The following HABP2 variants were observed in gnomAD, a reference collection of about 807,000 sequenced individuals.
The protein encoded by HABP2 is factor VII-activating protease.
Under a neutral mutation model 66.5 loss-of-function variants are expected in HABP2, and 65 were observed. The ratio of observed to expected loss-of-function variants is 0.98; its 90% confidence interval spans 0.80 to 1.20. The LOEUF is 1.20. Ranked by LOEUF, HABP2 falls within the 50% of genes most tolerant of loss-of-function variation. HABP2 has a pLI of 0.00. For missense variants in HABP2, 786 were observed against 691.0 expected, an observed-to-expected ratio of 1.14 and a Z score of -1.54; for synonymous variants, 263 against 253.9, an observed-to-expected ratio of 1.04 and a Z score of -0.34.
At chr10:113,571,655 C>T (rs1845314376) in intron 2 of HABP2, among the ~76,000 whole-genome samples, 4 of 152,132 alleles carry the variant, frequency 2.6e-5, no homozygotes, top group Admixed American at 2.6e-4. Flanking sequence ...TTGGCTCATA[C>T]TGAAGCAGAG....
Position 113,589,004 on chromosome 10 carries a change from C to T in HABP2, c.*635C>T, listed in dbSNP as rs779673504. The T allele has an allele frequency of 2.4e-5, 39 of 1,613,928 alleles. No homozygotes were observed. The highest frequency in any genetic ancestry group is 2.8e-5 in the Non-Finnish European group (33 of 1,179,900). On this transcript the variant is annotated 3_prime_UTR_variant, in exon 13 of 13. Transcript: ENST00000351270. The stretch of plus-strand genomic sequence containing the variant: ...AACAGCAGGGCCTTCTTCTTTTTGA[C>T]GTGCAGAATCTCAGTGGCATCTGGG...
chr10:113,562,221 C>A (rs1565097326), intron 1 of HABP2, among the ~76,000 whole-genome samples: 1 of 152,174 alleles, frequency 6.6e-6, no homozygotes, highest in Non-Finnish European at 1.5e-5. Context: ...TCAGCTGGGA[C>A]CATGTGCTAT....
At position 113,577,719 on chromosome 10, in the gene HABP2, C is replaced by T. The variant is rs373624688; in HGVS notation, c.449-307C>T. Among the ~76,000 whole-genome samples the T allele has an allele frequency of 2.6e-5, 4 of 152,326 alleles. No homozygotes were observed. In the East Asian group the frequency reaches 7.7e-4, roughly 29 times the overall value. ...ATGGGTATCAGCAGGCAGAGCTCTACCTAGCTCAGACAGGGCCCACCACTC... is the reference window on the plus strand; with the variant it reads ...ATGGGTATCAGCAGGCAGAGCTCTATCTAGCTCAGACAGGGCCCACCACTC... On this transcript the variant is annotated intron_variant, in intron 5 of 12. Coordinates refer to ENST00000351270, the MANE Select transcript of HABP2 (RefSeq NM_004132.5).
chr10:113,589,543 G>T lies in HABP2; in HGVS notation c.*1174G>T. The stretch of plus-strand genomic sequence containing the variant: ...TGAAATTAGGCGCCTTGTTTGAGCT[G>T]CGTTTCACACTTCTTTAGAGCTAGC... On this transcript the variant is annotated 3_prime_UTR_variant, in exon 13 of 13. Coordinates refer to ENST00000351270, the MANE Select transcript of HABP2 (RefSeq NM_004132.5). 8.3e-7 allele frequency: 1 copy of T among 1,204,096 alleles called. No individual in the cohort carries two copies. Among genetic ancestry groups the T allele is most frequent in the Non-Finnish European group, 1.2e-6 (1 of 861,916 alleles). 74.6% of individuals were successfully genotyped at this position (1,204,096 alleles called of 1,614,324 possible). A position where few individuals can be genotyped will look rare whatever the true frequency, so the allele number is the denominator to read the frequency against.
chr10:113,577,333 A>C (rs1011570604), intron 5 of HABP2, 67 bp downstream of exon 5: 1 of 841,536 alleles, frequency 1.2e-6, no homozygotes, highest in Admixed American at 1.8e-5. Context: ...ACCCTTCTGC[A>C]TGGAAGGCCA....
At chr10:113,552,449 T>C (rs1027969664), upstream of HABP2, among the ~76,000 whole-genome samples, 3 of 152,120 alleles carry the variant, frequency 2.0e-5, no homozygotes, top group Non-Finnish European at 2.9e-5. Context: ...ATGTTTTTTT[T>C]CCTCCGCTTG....
chr10:113,575,923 C>G lies in HABP2; in HGVS notation c.250C>G (p.His84Asp). Residue 84 changes from histidine to aspartate, a missense_variant, in exon 4 of 13, where the codon CAC (histidine) becomes GAC (aspartate). Physicochemically the swap from His to Asp is moderately conservative, Grantham distance 81. Transcript: ENST00000351270. ...TCCATGCCAGCCCAACCCCTGTGAA[C>G]ACGGTGGGGACTGCCTCGTCCATGG... is the stretch of plus-strand genomic sequence containing the variant. Reference protein sequence around the residue: ...ADPCQPNPCEHGGDCLVHGST... With the variant: ...ADPCQPNPCEDGGDCLVHGST... 1.9e-6 allele frequency: 3 copies of G among 1,610,076 alleles called. No individual in the cohort carries two copies. The highest frequency in any genetic ancestry group is 2.6e-6 in the Non-Finnish European group (3 of 1,176,322).
At position 113,578,015 on chromosome 10, in the gene HABP2, T is replaced by C. The variant is rs370893980; in HGVS notation, c.449-11T>C. ...TGAAGAGCCTTCCTGGCCCCATTCC[T>C]GTGTTCACAGTGGTTCCTGTATGCA... On this transcript the variant is annotated splice_polypyrimidine_tract_variant and intron_variant, in intron 5 of 12. Coordinates refer to ENST00000351270, the MANE Select transcript of HABP2 (RefSeq NM_004132.5). 1.2e-5 allele frequency: 20 copies of C among 1,613,634 alleles called. No homozygotes were observed. The African/African-American group carries it at 2.4e-4, about 19-fold the overall frequency.
intron 7 of HABP2, among the ~76,000 whole-genome samples, chr10:113,579,094 C>CAAAA (rs11327736): frequency 1.6e-5 from 2 of 126,956 alleles, no homozygotes; most frequent in Non-Finnish European, 3.4e-5. Context: ...CCGTCTCTAC[C>CAAAA]AAAAAAAAAA....
chr10:113,568,575 C>A (rs1845243981), intron 2 of HABP2, among the ~76,000 whole-genome samples: 1 of 152,106 alleles, frequency 6.6e-6, no homozygotes, highest in Non-Finnish European at 1.5e-5. Flanking sequence ...GTGTCTTTCC[C>A]CAACACGAAG....
chr10:113,561,112 G>A (rs576893812), intron 1 of HABP2, among the ~76,000 whole-genome samples: 5 of 152,318 alleles, frequency 3.3e-5, no homozygotes, highest in Admixed American at 2.0e-4. Flanking sequence ...GATAAAGTTG[G>A]TTAGACAGAA....
At chr10:113,586,580 C>A (rs1845641253) in intron 12 of HABP2, among the ~76,000 whole-genome samples, 1 of 151,276 alleles carries the variant, frequency 6.6e-6, no homozygotes, top group Non-Finnish European at 1.5e-5. Flanking sequence ...GACACTGTTG[C>A]AGAGAGAGAA....
At chr10:113,556,938 C>T (rs574834321) in intron 1 of HABP2, among the ~76,000 whole-genome samples, 8 of 151,686 alleles carry the variant, frequency 5.3e-5, no homozygotes, top group Non-Finnish European at 1.2e-4. Flanking sequence ...AAGCATCATG[C>T]CTGGCCCCCA....
Position 113,584,044 on chromosome 10 carries a change from C to T in HABP2, c.1238-104C>T, listed in dbSNP as rs911703. The T allele has an allele frequency of 0.2, 174,127 of 856,468 alleles. 19,780 individuals carry two copies. The highest frequency in any genetic ancestry group is 0.41 in the East Asian group (15,968 of 39,262). 53.1% of individuals were successfully genotyped at this position (856,468 alleles called of 1,614,324 possible). On this transcript the variant is annotated intron_variant, in intron 10 of 12. Coordinates refer to ENST00000351270, the MANE Select transcript of HABP2 (RefSeq NM_004132.5). ...AGAAGATTTTCAGGCATGGTGGGGG[C>T]AGGTGGGGCTTTGCTGTGGCCACCT...
Position 113,585,860 on chromosome 10 carries a change from C to T in HABP2, c.1440C>T (p.Arg480=). The part of the protein sequence containing the change: ...KLIANTLCNS[R]QLYDHMIDDS... ...TTGCCAACACTTTGTGCAACTCCCG[C>T]CAACTCTATGACCACATGATTGATG... is the stretch of plus-strand genomic sequence containing the variant. The change falls in exon 12 of 13, where the codon CGC becomes CGT. Residue 480 remains arginine (R), a synonymous_variant. Coordinates refer to ENST00000351270, the MANE Select transcript of HABP2 (RefSeq NM_004132.5). The T allele has an allele frequency of 6.2e-7, 1 of 1,613,562 alleles. No homozygotes were observed. The highest frequency in any genetic ancestry group is 8.5e-7 in the Non-Finnish European group (1 of 1,179,480).
At chr10:113,556,472 T>C (rs1844993768) in intron 1 of HABP2, among the ~76,000 whole-genome samples, 1 of 152,106 alleles carries the variant, frequency 6.6e-6, no homozygotes, top group Non-Finnish European at 1.5e-5. Flanking sequence ...CCCAGCACTT[T>C]GGGAGTCCAA....
At chr10:113,565,801 C>CT (rs999099050) in intron 1 of HABP2, among the ~76,000 whole-genome samples, 2 of 152,148 alleles carry the variant, frequency 1.3e-5, no homozygotes, top group African/African-American at 2.4e-5. Flanking sequence ...GTCCTCCCAT[C>CT]TTTTTTTGTC....
intron 1 of HABP2, among the ~76,000 whole-genome samples, chr10:113,565,736 T>C (rs1235047471): frequency 1.3e-5 from 2 of 152,340 alleles, no homozygotes; most frequent in African/African-American, 4.8e-5. Flanking sequence ...AAATCCAGGA[T>C]CCAATTAAGA....
chr10:113,583,556 T>C (rs1286480551), intron 10 of HABP2, among the ~76,000 whole-genome samples, 198 bp downstream of exon 10: 2 of 152,224 alleles, frequency 1.3e-5, no homozygotes, highest in East Asian at 3.8e-4. Flanking sequence ...CATATGCTCT[T>C]AAACTGAGGG....
Sources: allele counts gnomAD v4.1 joint callset (sites outside exome capture counted in the v4.1 genomes callset), GRCh38; gene constraint gnomAD v4.1.1; transcripts MANE v1.5; gene names NCBI Gene and HGNC (gene_info 2026-07-23, HGNC 2026-07-21).